Variants in RIT2 observed in about 807,000 individuals in gnomAD.
RIT2 encodes Ras like without CAAX 2.
RIT2 carries 24 observed loss-of-function variants against 23.7 expected under a neutral mutation model. The ratio of observed to expected loss-of-function variants is 1.01; its 90% CI spans 0.73 to 1.43. The LOEUF (loss-of-function observed/expected upper bound fraction) is 1.43. RIT2 is among the 40% of genes most tolerant of loss of function. The pLI is 0.00. For missense variants in RIT2, 236 were observed against 266.9 expected (o/e 0.88, Z 0.81); for synonymous variants, 107 against 91.1 (o/e 1.17, Z -0.99).
chr18:42,895,254 C>T (rs489718), intron 4 of RIT2, among the ~76,000 whole-genome samples: 81,314 of 151,794 alleles, frequency 0.54, 23,813 homozygotes, highest in Non-Finnish European at 0.67. Flanking sequence ...CAATTATAAC[C>T]TTTGCACAGC....
chr18:42,923,371 A>T, intron 4 of RIT2: 1 of 580,194 alleles, frequency 1.7e-6, no homozygotes. Flanking sequence ...TAGTAAGGGC[A>T]CTCTGCAAAA....
At chr18:43,088,443 A>G (rs1219416456) in intron 1 of RIT2, among the ~76,000 whole-genome samples, 1 of 152,198 alleles carries the variant, frequency 6.6e-6, no homozygotes, top group African/African-American at 2.4e-5. Flanking sequence ...GGAATATAAG[A>G]GGCAGGCTTT....
At chr18:42,961,547 T>G (rs980799784) in intron 3 of RIT2, among the ~76,000 whole-genome samples, 5 of 152,248 alleles carry the variant, frequency 3.3e-5, no homozygotes, top group South Asian at 4.1e-4. Flanking sequence ...TGAACTAGAG[T>G]GTAAAATCAA....
chr18:43,099,848 C>T (rs1048459862), intron 1 of RIT2, among the ~76,000 whole-genome samples: 1 of 152,126 alleles, frequency 6.6e-6, no homozygotes. Context: ...ATGCTTTTGG[C>T]ATTTCTTTCA....
intron 2 of RIT2, among the ~76,000 whole-genome samples, chr18:43,013,064 C>A (rs1911387697): frequency 6.6e-6 from 1 of 151,680 alleles, no homozygotes; most frequent in Admixed American, 6.6e-5. Context: ...CCTGATTCAC[C>A]TTTTTCAGAA....
At chr18:42,785,547 A>G (rs555646020) in intron 4 of RIT2, among the ~76,000 whole-genome samples, 4 of 151,892 alleles carry the variant, frequency 2.6e-5, no homozygotes, top group Admixed American at 2.6e-4. Context: ...ATGCTATTTT[A>G]TTGTGTAAAA....
At chr18:42,876,421 G>A (rs1346915933) in intron 4 of RIT2, among the ~76,000 whole-genome samples, 1 of 150,740 alleles carries the variant, frequency 6.6e-6, no homozygotes, top group African/African-American at 2.4e-5. Context: ...ATCATTTTTA[G>A]GGGAGTAGAA....
At chr18:42,842,134 C>T (rs192636149) in intron 4 of RIT2, among the ~76,000 whole-genome samples, 21 of 152,326 alleles carry the variant, frequency 1.4e-4, no homozygotes, top group African/African-American at 5.0e-4. Context: ...CAGGGGAAAA[C>T]ATTCCTTTAA....
chr18:43,088,462 C>T (rs902529487), intron 1 of RIT2, among the ~76,000 whole-genome samples: 1 of 152,090 alleles, frequency 6.6e-6, no homozygotes, highest in Non-Finnish European at 1.5e-5. Context: ...TTTATGGATA[C>T]CTCTATTGCA....
chr18:42,870,404 C>T (rs1194009853), intron 4 of RIT2, among the ~76,000 whole-genome samples: 1 of 151,986 alleles, frequency 6.6e-6, no homozygotes, highest in Non-Finnish European at 1.5e-5. Flanking sequence ...CCACGCCTGG[C>T]TAATTTTTGT....
At chr18:42,836,684 C>T (rs1173223614) in intron 4 of RIT2, among the ~76,000 whole-genome samples, 2 of 152,142 alleles carry the variant, frequency 1.3e-5, no homozygotes, top group Non-Finnish European at 2.9e-5. Flanking sequence ...ATGCCACCAG[C>T]TATTTTAGCC....
At chr18:43,058,380 C>T (rs75438167) in intron 1 of RIT2, among the ~76,000 whole-genome samples, 10 of 152,124 alleles carry the variant, frequency 6.6e-5, no homozygotes, top group African/African-American at 2.2e-4. Context: ...TTAGATTCAC[C>T]CGGGAGCTTG....
intron 3 of RIT2, among the ~76,000 whole-genome samples, chr18:42,942,607 C>A (rs961385465): frequency 2.0e-5 from 3 of 151,972 alleles, no homozygotes; most frequent in African/African-American, 7.2e-5. Flanking sequence ...GCGCTTTCTC[C>A]AAGTGCTTGG....
At chr18:42,915,520 T>A (rs907288692) in intron 4 of RIT2, among the ~76,000 whole-genome samples, 1 of 152,086 alleles carries the variant, frequency 6.6e-6, no homozygotes. Flanking sequence ...CCGAAGCCTT[T>A]TCTGGCTTGT....
chr18:42,892,444 T>C (rs1408179199), intron 4 of RIT2, among the ~76,000 whole-genome samples: 1 of 152,212 alleles, frequency 6.6e-6, no homozygotes, highest in Non-Finnish European at 1.5e-5. Context: ...AACTCTGTTC[T>C]CAGAATAGCT....
intron 2 of RIT2, among the ~76,000 whole-genome samples, chr18:43,009,976 G>T (rs2068878450): frequency 6.6e-6 from 1 of 151,748 alleles, no homozygotes; most frequent in African/African-American, 2.4e-5. Flanking sequence ...CCCAGCTAGT[G>T]CCAAATGATT....
chr18:42,916,751 C>A (rs556332208), intron 4 of RIT2, among the ~76,000 whole-genome samples: 1 of 152,062 alleles, frequency 6.6e-6, no homozygotes, highest in African/African-American at 2.4e-5. Context: ...GACATTATCT[C>A]ATCTGTCCCA....
intron 4 of RIT2, among the ~76,000 whole-genome samples, chr18:42,896,392 T>C (rs1908331713): frequency 6.6e-6 from 1 of 152,352 alleles, no homozygotes. Context: ...GTACAGCATG[T>C]CTCTCAATGG....
At chr18:42,933,293 G>A (rs556048) in intron 3 of RIT2, among the ~76,000 whole-genome samples, 129,234 of 151,728 alleles carry the variant, frequency 0.85, 55,877 homozygotes, top group East Asian at 1. Flanking sequence ...GGAGAAAAAT[G>A]TTTTAAAATT....
Sources: gnomAD v4.1 joint callset for allele counts (sites outside exome capture counted in the v4.1 genomes callset) on GRCh38, gnomAD v4.1.1 for gene constraint, MANE v1.5 for transcripts, NCBI Gene and HGNC (gene_info 2026-07-23, HGNC 2026-07-21) for gene names.